AP1S2: variants seen among roughly 807,000 people sequenced by gnomAD.
AP1S2 encodes the protein adaptor related protein complex 1 subunit sigma 2, also known as AP-1 complex subunit sigma-2.
In AP1S2, 1 loss-of-function variant was observed where a neutral mutation model predicts 14.3. That is an observed-to-expected ratio of 0.07 (90% confidence interval 0.02 to 0.33). The LOEUF (loss-of-function observed/expected upper bound fraction) is 0.33, where lower values mean the gene tolerates loss of function less well. AP1S2 is among the 10% of genes least tolerant of loss of function. The probability of loss-of-function intolerance (pLI) is 0.99; values close to 1 mark genes in which losing one functional copy is unlikely to be tolerated. For missense variants in AP1S2, 30 were observed against 117.7 expected (o/e 0.25, Z 3.45); for synonymous variants, 30 against 40.5 (o/e 0.74, Z 0.99).
intron 4 of AP1S2, among the ~76,000 whole-genome samples, chrX:15,829,029 G>A (rs1933347565): frequency 9.0e-6 from 1 of 111,716 alleles, no homozygotes; most frequent in Non-Finnish European, 1.9e-5. Flanking sequence ...AAGACAAACT[G>A]ACAAGATGTC....
intron 2 of AP1S2, among the ~76,000 whole-genome samples, chrX:15,849,744 T>C (rs1348155838): frequency 9.0e-6 from 1 of 111,157 alleles, no homozygotes; most frequent in African/African-American, 3.3e-5. Context: ...TTGCTGGTAT[T>C]TTCCTCCTCC....
intron 4 of AP1S2, chrX:15,830,488 A>G (rs943232111): frequency 1.3e-6 from 1 of 745,624 alleles, no homozygotes; most frequent in Admixed American, 8.8e-5. Context: ...AATCGATTTG[A>G]ACATCTTGTG....
chrX:15,849,045 C>A (rs1343105760), intron 2 of AP1S2, among the ~76,000 whole-genome samples: 28 of 111,686 alleles, frequency 2.5e-4, no homozygotes, highest in Non-Finnish European at 5.7e-5. Context: ...AAACAGGAAT[C>A]AAAAAAGCAC....
chrX:15,843,989 C>T (rs2147316290), intron 4 of AP1S2, among the ~76,000 whole-genome samples: 1 of 112,570 alleles, frequency 8.9e-6, no homozygotes, highest in South Asian at 3.7e-4. Flanking sequence ...CATTTCACTA[C>T]TGAAGAGTAG....
At chrX:15,838,511 C>T (rs896278785) in intron 4 of AP1S2, among the ~76,000 whole-genome samples, 1 of 109,402 alleles carries the variant, frequency 9.1e-6, no homozygotes, top group Non-Finnish European at 1.9e-5. Context: ...AAAATCACCA[C>T]CGACACCACA....
In AP1S2 at chrX:15,842,443, A is replaced by T. The variant is rs143372353; in HGVS notation, c.426+2936T>A. 7.4e-4 allele frequency among the ~76,000 whole-genome samples: 83 copies of T among 111,597 alleles called. 2 individuals are homozygous for T. The East Asian group carries it at 0.017, about 23-fold the overall frequency. On this transcript the variant is annotated intron_variant, in intron 4 of 5. Transcript: ENST00000672987. ...TCTCACTCTAAATTCAGAATGGACC[A>T]CCACCTACTGCTTCCCCAAGACCTA...
In AP1S2 at chrX:15,830,260, G is replaced by A. The variant is rs745882887; in HGVS notation, c.427-2060C>T. Reference sequence around the variant, plus strand: ...TGAATAATATATTGTGGGGCAGGAGGAGGAAAGGAGGGGAAAAAAAAATAG... The same window carrying A: ...TGAATAATATATTGTGGGGCAGGAGAAGGAAAGGAGGGGAAAAAAAAATAG... On this transcript the variant is annotated intron_variant, in intron 4 of 5. Coordinates refer to ENST00000672987, the MANE Select transcript of AP1S2 (RefSeq NM_001272071.2). 1.7e-5 allele frequency: 13 copies of A among 745,859 alleles called. No homozygotes were observed. In the South Asian group the frequency reaches 8.3e-4, roughly 47 times the overall value. The allele number at this position is 745,859 out of a possible 1,213,427, so 61.5% of individuals were successfully genotyped here. A position where few individuals can be genotyped will look rare whatever the true frequency, so the allele number is the denominator to read the frequency against.
At chrX:15,833,444 C>T in intron 4 of AP1S2, 2 of 885,791 alleles carry the variant, frequency 2.3e-6, no homozygotes, top group Non-Finnish European at 2.8e-6. Flanking sequence ...AAGAAATTAC[C>T]ATCTATTAAA....
intron 4 of AP1S2, chrX:15,844,993 A>G (rs1323745157): frequency 1.3e-6 from 1 of 748,260 alleles, no homozygotes; most frequent in Non-Finnish European, 1.6e-6. Flanking sequence ...TCAACTCCTG[A>G]TTATCTACAC....
At chrX:15,833,750 C>T (rs1933506463) in intron 4 of AP1S2, among the ~76,000 whole-genome samples, 1 of 111,204 alleles carries the variant, frequency 9.0e-6, no homozygotes, top group African/African-American at 3.3e-5. Flanking sequence ...TTATAAATTC[C>T]AGTTTATACC....
chrX:15,832,051 G>A (rs1933451521), intron 4 of AP1S2: 3 of 749,820 alleles, frequency 4.0e-6, no homozygotes, highest in Non-Finnish European at 4.7e-6. Context: ...GTTTTTAACC[G>A]TTTACTTATA....
intron 1 of AP1S2, among the ~76,000 whole-genome samples, chrX:15,854,258 C>T (rs1934263715): frequency 9.0e-6 from 1 of 110,550 alleles, no homozygotes; most frequent in Admixed American, 9.7e-5. Context: ...GTCCGGCCGT[C>T]GCCGGTGCCT....
At chrX:15,848,034 A>T (rs749281615) in intron 2 of AP1S2, among the ~76,000 whole-genome samples, 10 of 111,949 alleles carry the variant, frequency 8.9e-5, no homozygotes, top group African/African-American at 3.2e-4. Flanking sequence ...AAGGTCCTAA[A>T]CTGCATGAAT....
At chrX:15,829,778 TGG>T (rs1933372058) in intron 4 of AP1S2, among the ~76,000 whole-genome samples, 1 of 110,986 alleles carries the variant, frequency 9.0e-6, no homozygotes, top group Non-Finnish European at 1.9e-5. Context: ...AGTCGAATGG[TGG>T]TTGCCAGGGG....
intron 4 of AP1S2, among the ~76,000 whole-genome samples, chrX:15,838,413 G>C (rs1382441281): frequency 1.8e-5 from 2 of 110,498 alleles, no homozygotes; most frequent in Non-Finnish European, 3.8e-5. Flanking sequence ...TTAAAAAAAG[G>C]CCCTCAGAGG....
intron 4 of AP1S2, among the ~76,000 whole-genome samples, chrX:15,840,883 A>G (rs1325045540): frequency 8.9e-6 from 1 of 112,273 alleles, no homozygotes; most frequent in African/African-American, 3.2e-5. Context: ...TAAAAAATGG[A>G]TAACGGGCCA....
intron 4 of AP1S2, among the ~76,000 whole-genome samples, chrX:15,829,441 G>A (rs1933360288): frequency 9.0e-6 from 1 of 111,591 alleles, no homozygotes; most frequent in South Asian, 3.7e-4. Context: ...GCTTCTCCAT[G>A]TAAAAATGCC....
At chrX:15,841,228 T>C (rs1163812055) in intron 4 of AP1S2, among the ~76,000 whole-genome samples, 3 of 111,651 alleles carry the variant, frequency 2.7e-5, no homozygotes, top group African/African-American at 9.8e-5. Flanking sequence ...GAAATTTTTT[T>C]TTAATTTTTC....
At chrX:15,847,762 T>C (rs188861324) in intron 2 of AP1S2, among the ~76,000 whole-genome samples, 75 of 112,126 alleles carry the variant, frequency 6.7e-4, no homozygotes, top group African/African-American at 2.3e-3. Flanking sequence ...AAATGACACA[T>C]AAGATTCCCT....
Sources: gnomAD v4.1 joint callset for allele counts (sites outside exome capture counted in the v4.1 genomes callset) on GRCh38, gnomAD v4.1.1 for gene constraint, MANE v1.5 for transcripts, NCBI Gene and HGNC (gene_info 2026-07-23, HGNC 2026-07-21) for gene names.